The following ATP6V1D variants were observed in gnomAD, a reference collection of about 807,000 sequenced individuals.
The protein encoded by ATP6V1D is V-type proton ATPase subunit D.
ATP6V1D carries 20 observed loss-of-function variants against 39.4 expected under a neutral mutation model. The observed-to-expected ratio is 0.51, with a 90% CI of 0.36 to 0.74. ATP6V1D has a LOEUF of 0.74. Among genes scored for constraint, ATP6V1D ranks in the 30% least tolerant of loss-of-function variants. ATP6V1D has a pLI of 0.00. For missense variants in ATP6V1D, 228 were observed against 291.6 expected (o/e 0.78, Z 1.59); for synonymous variants, 100 against 100.5 (o/e 0.99, Z 0.03).
At chr14:67,343,029 C>T (rs1398179052) in intron 7 of ATP6V1D, among the ~76,000 whole-genome samples, 1 of 152,158 alleles carries the variant, frequency 6.6e-6, no homozygotes, top group Non-Finnish European at 1.5e-5. Flanking sequence ...AGTTGCATCA[C>T]TCAACCATTA....
At chr14:67,351,911 C>CAAAAAA (rs758907410) in intron 2 of ATP6V1D, among the ~76,000 whole-genome samples, 4 of 128,118 alleles carry the variant, frequency 3.1e-5, no homozygotes, top group African/African-American at 1.3e-4. Flanking sequence ...GAACCTCTAC[C>CAAAAAA]AAAAAAAAAA....
chr14:67,339,123 G>A (rs373738668), intron 8 of ATP6V1D, among the ~76,000 whole-genome samples: 19 of 151,546 alleles, frequency 1.3e-4, no homozygotes, highest in African/African-American at 4.1e-4. Flanking sequence ...AGCCTCCCGA[G>A]TAGCTGGGAA....
In ATP6V1D at chr14:67,338,347, C is replaced by T. The variant is rs987164876; in HGVS notation, c.*274G>A. ...CCTAATATGCTTGGTAAGCAGATCA[C>T]GTGTAACACAGATGTAAATGGAGTA... On this transcript the variant is annotated 3_prime_UTR_variant, in exon 9 of 9. Coordinates refer to ENST00000216442, the MANE Select transcript of ATP6V1D (RefSeq NM_015994.4). 4.2e-5 allele frequency: 13 copies of T among 308,344 alleles called. No homozygotes were observed. Among genetic ancestry groups the T allele is most frequent in the African/African-American group, 1.7e-4 (8 of 46,462 alleles). The allele number at this position is 308,344 out of a possible 1,614,324, so 19.1% of individuals were successfully genotyped here.
chr14:67,359,107 G>A (rs948272277), intron 1 of ATP6V1D, among the ~76,000 whole-genome samples: 2 of 152,232 alleles, frequency 1.3e-5, no homozygotes, highest in Admixed American at 1.3e-4. Flanking sequence ...TCTCACAGCA[G>A]GTGACATTTG....
At chr14:67,359,095 C>T (rs1196780478) in intron 1 of ATP6V1D, among the ~76,000 whole-genome samples, 1 of 152,166 alleles carries the variant, frequency 6.6e-6, no homozygotes, top group Non-Finnish European at 1.5e-5. Flanking sequence ...ACAGGGATAT[C>T]CTCTCACAGC....
intron 4 of ATP6V1D, among the ~76,000 whole-genome samples, chr14:67,347,739 A>G (rs147638886): frequency 1.8e-4 from 28 of 152,172 alleles, no homozygotes; most frequent in African/African-American, 6.0e-4. Context: ...ACCTCAGGTG[A>G]TCCACCCGCC....
chr14:67,338,557 C>G lies in ATP6V1D; in HGVS notation c.*64G>C, dbSNP rs1417727184. 5 of 1,554,552 alleles carry G rather than the reference C, an allele frequency of 3.2e-6. No homozygotes were observed. Among genetic ancestry groups the G allele is most frequent in the Non-Finnish European group, 4.4e-6 (5 of 1,148,294 alleles). ...AAATAAATAGCCACACAAATCAAAC[C>G]TACACACTGTGAATTAAAATGAAGC... On this transcript the variant is annotated 3_prime_UTR_variant, in exon 9 of 9. Transcript: ENST00000216442.
intron 8 of ATP6V1D, among the ~76,000 whole-genome samples, chr14:67,339,085 C>T (rs2085560473): frequency 6.6e-6 from 1 of 150,732 alleles, no homozygotes; most frequent in Admixed American, 6.6e-5. Flanking sequence ...ACAACCTCCA[C>T]CTTTGCGTTC....
intron 1 of ATP6V1D, among the ~76,000 whole-genome samples, chr14:67,356,431 A>C (rs1380247545): frequency 1.6e-5 from 2 of 126,840 alleles, no homozygotes; most frequent in Non-Finnish European, 3.0e-5. Context: ...AAAAAAACAA[A>C]AACAAAAAAA....
chr14:67,350,413 G>A (rs761553924), intron 3 of ATP6V1D, among the ~76,000 whole-genome samples, 198 bp downstream of exon 3: 4 of 152,168 alleles, frequency 2.6e-5, no homozygotes, highest in Non-Finnish European at 4.4e-5. Context: ...TAAGTATCCT[G>A]CGCCTGCAAC....
intron 6 of ATP6V1D, among the ~76,000 whole-genome samples, chr14:67,344,279 C>A (rs998657576): frequency 6.6e-6 from 1 of 152,202 alleles, no homozygotes; most frequent in Non-Finnish European, 1.5e-5. Context: ...CAACTTGTAG[C>A]AGACTCTAGA....
intron 2 of ATP6V1D, among the ~76,000 whole-genome samples, chr14:67,352,401 G>A (rs560953305): frequency 2.0e-5 from 3 of 150,448 alleles, no homozygotes; most frequent in South Asian, 2.1e-4. Context: ...AGCCCAGTTT[G>A]AGGCTGCAGA....
intron 8 of ATP6V1D, 75 bp from the exon 9 acceptor site, chr14:67,338,837 G>A (rs746258117): frequency 7.2e-7 from 1 of 1,390,376 alleles, no homozygotes; most frequent in Admixed American, 2.2e-5. Flanking sequence ...TTTGAGTTTT[G>A]TAACAAGGAT....
intron 3 of ATP6V1D, among the ~76,000 whole-genome samples, chr14:67,350,198 G>A (rs1057199879): frequency 1.1e-4 from 16 of 151,962 alleles, no homozygotes; most frequent in African/African-American, 2.7e-4. Flanking sequence ...TTTATCCTAC[G>A]GGAATAATTC....
chr14:67,346,871 T>C lies in ATP6V1D; in HGVS notation c.352+538A>G, dbSNP rs181386382. On this transcript the variant is annotated intron_variant, in intron 5 of 8. Coordinates refer to ENST00000216442, the MANE Select transcript of ATP6V1D (RefSeq NM_015994.4). ...ACAACACAGAAGTCTAATCAGTGAA[T>C]TCATATTCAAAAGGCCTTATATTTT... is the stretch of plus-strand genomic sequence containing the variant. Among the ~76,000 whole-genome samples, 21 of 152,330 alleles carry C rather than the reference T, an allele frequency of 1.4e-4. No individual in the cohort carries two copies. In the East Asian group the frequency reaches 4.1e-3, roughly 29 times the overall value.
At chr14:67,350,760 T>G in intron 2 of ATP6V1D, 70 bp from the exon 3 acceptor site, 12 of 1,364,258 alleles carry the variant, frequency 8.8e-6, no homozygotes, top group South Asian at 1.2e-5. Context: ...CATAATTATG[T>G]TCCTTTAATA....
At chr14:67,353,159 A>G in intron 1 of ATP6V1D, 119 bp from the exon 2 acceptor site, 1 of 724,294 alleles carries the variant, frequency 1.4e-6, no homozygotes, top group Admixed American at 2.6e-5. Context: ...GTGAGACTAT[A>G]TAGAGAATTT....
At chr14:67,355,752 G>A (rs1157382177) in intron 1 of ATP6V1D, among the ~76,000 whole-genome samples, 2 of 151,830 alleles carry the variant, frequency 1.3e-5, no homozygotes, top group Admixed American at 6.6e-5. Flanking sequence ...TCTATAATCA[G>A]CACTTTGGGA....
At chr14:67,349,217 G>A (rs940653972) in intron 3 of ATP6V1D, 113 bp from the exon 4 acceptor site, 1 of 1,038,636 alleles carries the variant, frequency 9.6e-7, no homozygotes, top group South Asian at 1.5e-5. Flanking sequence ...TCACAATTAA[G>A]TATGTTTTGA....
Sources: gnomAD v4.1 joint callset for allele counts (sites outside exome capture counted in the v4.1 genomes callset) on GRCh38, gnomAD v4.1.1 for gene constraint, MANE v1.5 for transcripts, NCBI Gene and HGNC (gene_info 2026-07-23, HGNC 2026-07-21) for gene names.